Variants in FARS2 observed in about 807,000 individuals in gnomAD.
FARS2 encodes phenylalanine--tRNA ligase, mitochondrial.
A neutral mutation model predicts 46.4 loss-of-function variants in FARS2; 40 were observed. The ratio of observed to expected loss-of-function variants is 0.86; its 90% CI spans 0.67 to 1.12. The LOEUF (loss-of-function observed/expected upper bound fraction) is 1.12. Among genes scored for constraint, FARS2 ranks in the 50% most tolerant of loss-of-function variants. The probability of loss-of-function intolerance (pLI) is 0.00; values close to 1 mark genes in which losing one functional copy is unlikely to be tolerated. For missense variants in FARS2, 513 were observed against 567.9 expected (o/e 0.90, Z 0.98); for synonymous variants, 234 against 214.9 (o/e 1.09, Z -0.78).
chr6:5,402,929 T>A (rs1198116499), intron 2 of FARS2, among the ~76,000 whole-genome samples: 1 of 152,160 alleles, frequency 6.6e-6, no homozygotes, highest in Non-Finnish European at 1.5e-5. Flanking sequence ...CTCTTTCTCT[T>A]ATTTTTTCCA....
chr6:5,298,252 A>T (rs9502286), intron 1 of FARS2, among the ~76,000 whole-genome samples: 26,342 of 152,056 alleles, frequency 0.17, 5,552 homozygotes, highest in African/African-American at 0.51. Context: ...TGCTTCTTGT[A>T]TTGTTGTCAG....
chr6:5,562,862 G>A (rs1237509191), intron 5 of FARS2, among the ~76,000 whole-genome samples: 1 of 149,242 alleles, frequency 6.7e-6, no homozygotes, highest in Non-Finnish European at 1.5e-5. Context: ...GGAGTGCAAT[G>A]GCGCGATCTA....
chr6:5,462,112 G>A (rs1765277838), intron 4 of FARS2, among the ~76,000 whole-genome samples: 1 of 152,152 alleles, frequency 6.6e-6, no homozygotes, highest in African/African-American at 2.4e-5. Flanking sequence ...CAGTGAGTTT[G>A]TATCTCGTTA....
At chr6:5,682,569 G>A (rs1779088251) in intron 6 of FARS2, among the ~76,000 whole-genome samples, 1 of 152,216 alleles carries the variant, frequency 6.6e-6, no homozygotes, top group African/African-American at 2.4e-5. Context: ...CTGGACTCCA[G>A]TTGGTCTGTT....
chr6:5,279,232 C>A (rs1766547803), intron 1 of FARS2, among the ~76,000 whole-genome samples: 1 of 151,772 alleles, frequency 6.6e-6, no homozygotes, highest in African/African-American at 2.4e-5. Flanking sequence ...AAAAAATTAG[C>A]CGGGCATGGT....
At chr6:5,634,102 A>G (rs1776426048) in intron 6 of FARS2, among the ~76,000 whole-genome samples, 2 of 152,170 alleles carry the variant, frequency 1.3e-5, no homozygotes, top group African/African-American at 4.8e-5. Flanking sequence ...ATATTTACTT[A>G]CATTTTCTCT....
At chr6:5,722,724 C>G (rs1402032791) in intron 6 of FARS2, among the ~76,000 whole-genome samples, 1 of 152,050 alleles carries the variant, frequency 6.6e-6, no homozygotes, top group African/African-American at 2.4e-5. Flanking sequence ...CTGAGTGCAA[C>G]GAGGATGTCC....
chr6:5,635,316 CTA>C (rs1561767926), intron 6 of FARS2, among the ~76,000 whole-genome samples: 9 of 152,158 alleles, frequency 5.9e-5, no homozygotes, highest in African/African-American at 1.9e-4. Flanking sequence ...TATGTTTACT[CTA>C]GTTAAGCCCA....
intron 6 of FARS2, among the ~76,000 whole-genome samples, chr6:5,755,532 T>G (rs562742034): frequency 6.6e-6 from 1 of 152,368 alleles, no homozygotes; most frequent in South Asian, 2.1e-4. Flanking sequence ...TGCTCTTTCT[T>G]GTGGTTCTTT....
At chr6:5,759,309 G>A (rs553473035) in intron 6 of FARS2, among the ~76,000 whole-genome samples, 1 of 152,236 alleles carries the variant, frequency 6.6e-6, no homozygotes, top group African/African-American at 2.4e-5. Context: ...TAGCCCTTTT[G>A]TGTGGCCTCA....
intron 1 of FARS2, among the ~76,000 whole-genome samples, chr6:5,293,489 G>A (rs1327330666): frequency 6.6e-6 from 1 of 152,154 alleles, no homozygotes; most frequent in Non-Finnish European, 1.5e-5. Context: ...CATTATAAAA[G>A]ATGGCATTTA....
At chr6:5,360,282 AT>A (rs557981118) in intron 1 of FARS2, among the ~76,000 whole-genome samples, 98 of 152,306 alleles carry the variant, frequency 6.4e-4, no homozygotes, top group Non-Finnish European at 1.1e-3. Context: ...GGAGCCATTC[AT>A]TCATTTTTTT....
intron 4 of FARS2, among the ~76,000 whole-genome samples, chr6:5,476,229 A>G (rs938219780): frequency 6.6e-6 from 1 of 152,186 alleles, no homozygotes; most frequent in Admixed American, 6.5e-5. Context: ...GAACATGCCC[A>G]CACCTAGACT....
At chr6:5,618,781 C>T (rs1051153130) in intron 6 of FARS2, among the ~76,000 whole-genome samples, 3 of 152,252 alleles carry the variant, frequency 2.0e-5, no homozygotes, top group East Asian at 3.9e-4. Flanking sequence ...TAGTTCTAAA[C>T]TTAATGTAAC....
chr6:5,489,292 A>G (rs1258426713), intron 4 of FARS2, among the ~76,000 whole-genome samples: 5 of 152,136 alleles, frequency 3.3e-5, no homozygotes, highest in South Asian at 4.1e-4. Context: ...CGTCTCTGCT[A>G]AAAGTACAAA....
intron 6 of FARS2, among the ~76,000 whole-genome samples, chr6:5,663,793 T>A (rs1452981173): frequency 6.6e-6 from 1 of 152,172 alleles, no homozygotes; most frequent in Non-Finnish European, 1.5e-5. Flanking sequence ...TGAAATGATA[T>A]GAGGGGAGCC....
chr6:5,599,741 A>G (rs953718971), intron 5 of FARS2, among the ~76,000 whole-genome samples: 10 of 152,204 alleles, frequency 6.6e-5, no homozygotes, highest in Non-Finnish European at 2.9e-5. Context: ...TGGCATTTTT[A>G]TTCTGTATAA....
At chr6:5,372,362 A>G (rs1196831236) in intron 2 of FARS2, among the ~76,000 whole-genome samples, 1 of 152,176 alleles carries the variant, frequency 6.6e-6, no homozygotes, top group Non-Finnish European at 1.5e-5. Context: ...TTATATATGT[A>G]TATGTGTATA....
At chr6:5,495,713 A>C (rs1767422637) in intron 4 of FARS2, among the ~76,000 whole-genome samples, 1 of 152,230 alleles carries the variant, frequency 6.6e-6, no homozygotes, top group South Asian at 2.1e-4. Flanking sequence ...GTGGTAGCTC[A>C]TAGAGCTTGT....
Sources: allele counts gnomAD v4.1 joint callset (sites outside exome capture counted in the v4.1 genomes callset), GRCh38; gene constraint gnomAD v4.1.1; transcripts MANE v1.5; gene names NCBI Gene and HGNC (gene_info 2026-07-23, HGNC 2026-07-21).